The following RBFOX1 variants were observed in gnomAD, a reference collection of about 807,000 sequenced individuals.
RBFOX1 encodes RNA binding protein fox-1 homolog 1.
Under a neutral mutation model 57.7 loss-of-function variants are expected in RBFOX1, and 8 were observed. That is an observed-to-expected ratio of 0.14 (90% CI 0.08 to 0.25). RBFOX1 has a LOEUF of 0.25. Among genes scored for constraint, RBFOX1 ranks in the 10% least tolerant of loss-of-function variants. RBFOX1 has a pLI of 1.00. For missense variants in RBFOX1, 611 were observed against 548.5 expected, an observed-to-expected ratio of 1.11 and a Z score of -1.14; for synonymous variants, 326 against 222.4, an observed-to-expected ratio of 1.47 and a Z score of -4.15.
At chr16:5,592,438 A>T (rs1217833533) in intron 2 of RBFOX1, among the ~76,000 whole-genome samples, 1 of 149,038 alleles carries the variant, frequency 6.7e-6, no homozygotes, top group African/African-American at 2.5e-5. Context: ...TTTTTCTGAG[A>T]TGGAGTCTTG....
In RBFOX1 at chr16:7,021,072, G is replaced by A. The variant is rs192382493; in HGVS notation, c.-15-30985G>A. Among the ~76,000 whole-genome samples the A allele has an allele frequency of 2.1e-3, 324 of 152,244 alleles. 2 individuals are homozygous for A. Among genetic ancestry groups the A allele is most frequent in the Non-Finnish European group, 2.8e-3 (193 of 68,006 alleles). On this transcript the variant is annotated intron_variant, in intron 3 of 15. Transcript: ENST00000550418. ...GAACCTGGGAGGCAGAGGCTGCAGT[G>A]AGCCCAGGTCGTGCTACTGCACTCC...
At chr16:6,949,595 A>C (rs1424929949) in intron 3 of RBFOX1, among the ~76,000 whole-genome samples, 3 of 151,906 alleles carry the variant, frequency 2.0e-5, no homozygotes, top group East Asian at 1.9e-4. Flanking sequence ...TTTTGTGCCT[A>C]CGTGCATCTT....
intron 4 of RBFOX1, among the ~76,000 whole-genome samples, chr16:7,319,630 G>A (rs1006931119): frequency 1.3e-5 from 2 of 152,108 alleles, no homozygotes; most frequent in Non-Finnish European, 2.9e-5. Flanking sequence ...TTTCAGCATC[G>A]AGGCGAGATT....
At chr16:7,609,837 A>G (rs566878520) in intron 10 of RBFOX1, among the ~76,000 whole-genome samples, 1 of 138,674 alleles carries the variant, frequency 7.2e-6, no homozygotes, top group South Asian at 2.2e-4. Context: ...GTTTGTTTTG[A>G]GATGGAGTTT....
intron 3 of RBFOX1, among the ~76,000 whole-genome samples, chr16:6,808,554 T>C (rs988621688): frequency 1.3e-5 from 2 of 152,120 alleles, no homozygotes; most frequent in Non-Finnish European, 2.9e-5. Flanking sequence ...TCAACAAACA[T>C]TGTCTGATGG....
intron 4 of RBFOX1, among the ~76,000 whole-genome samples, chr16:5,997,327 A>G (rs2060508402): frequency 6.6e-6 from 1 of 152,218 alleles, no homozygotes; most frequent in South Asian, 2.1e-4. Context: ...GGATTATTTA[A>G]TTGTATTCTG....
intron 2 of RBFOX1, among the ~76,000 whole-genome samples, chr16:5,494,430 G>T (rs576006371): frequency 1.3e-5 from 2 of 152,298 alleles, no homozygotes; most frequent in Admixed American, 6.5e-5. Flanking sequence ...TTTTGCACAT[G>T]CCTGGAATTT....
intron 4 of RBFOX1, among the ~76,000 whole-genome samples, chr16:7,277,099 A>G (rs765943335): frequency 1.3e-5 from 2 of 152,228 alleles, no homozygotes; most frequent in Non-Finnish European, 2.9e-5. Context: ...TTAAAGAAAG[A>G]TAATTGATCC....
At chr16:6,391,783 A>G (rs1487789975) in intron 2 of RBFOX1, among the ~76,000 whole-genome samples, 1 of 152,160 alleles carries the variant, frequency 6.6e-6, no homozygotes, top group Non-Finnish European at 1.5e-5. Flanking sequence ...CAATTCTTAG[A>G]TTTTTAAATA....
At chr16:6,070,100 T>C (rs894026733) in intron 1 of RBFOX1, among the ~76,000 whole-genome samples, 11 of 152,228 alleles carry the variant, frequency 7.2e-5, no homozygotes, top group African/African-American at 2.4e-4. Flanking sequence ...TTCTATTGTT[T>C]TAGAAAACTA....
chr16:7,129,270 T>G (rs2069524733), intron 4 of RBFOX1, among the ~76,000 whole-genome samples: 1 of 152,122 alleles, frequency 6.6e-6, no homozygotes, highest in African/African-American at 2.4e-5. Flanking sequence ...ATTGAACCAA[T>G]CATTTTGGCC....
intron 3 of RBFOX1, among the ~76,000 whole-genome samples, chr16:5,845,681 A>C (rs1357002378): frequency 1.3e-5 from 2 of 152,218 alleles, no homozygotes; most frequent in African/African-American, 4.8e-5. Context: ...TAAATTAATT[A>C]AGATGAAACT....
At chr16:5,242,623 T>G (rs2062195685) in intron 1 of RBFOX1, among the ~76,000 whole-genome samples, 1 of 152,150 alleles carries the variant, frequency 6.6e-6, no homozygotes, top group Non-Finnish European at 1.5e-5. Context: ...AAGAACAGAG[T>G]GCCCTTTTAT....
At chr16:6,026,868 G>A (rs1380354555) in intron 1 of RBFOX1, among the ~76,000 whole-genome samples, 5 of 152,166 alleles carry the variant, frequency 3.3e-5, no homozygotes, top group African/African-American at 1.2e-4. Context: ...CAGTCCTTGG[G>A]CATCATGCAG....
chr16:7,504,726 TATATATATATA>T (rs2072271297), intron 4 of RBFOX1, among the ~76,000 whole-genome samples: 2 of 46,196 alleles, frequency 4.3e-5, no homozygotes. Context: ...TATATATATA[TATATATATATA>T]TATATATATA....
rs540436200 is a variant in RBFOX1 at position 6,528,324 on chromosome 16, C to G, written c.-63-126279C>G. Among the ~76,000 whole-genome samples the G allele has an allele frequency of 3.3e-5, 5 of 152,332 alleles. No individual in the cohort carries two copies. The South Asian group carries it at 1.0e-3, about 32-fold the overall frequency. On this transcript the variant is annotated intron_variant, in intron 2 of 15. Transcript: ENST00000550418. ...CTTCCCAAACTTAGGATGCCTCACT[C>G]ATTAGAGAATTGACAAGCTGCCTAA...
In RBFOX1 at chr16:7,544,089, T is replaced by G. The variant is rs1303993566; in HGVS notation, c.270+25700T>G. On this transcript the variant is annotated intron_variant, in intron 5 of 15. Coordinates refer to ENST00000550418, the MANE Select transcript of RBFOX1 (RefSeq NM_018723.4). ...GACTTTATAAAGTGAGAGAGAATCC[T>G]CATTCTATGGAGAGGGGGAATAAGA... 2.6e-5 allele frequency among the ~76,000 whole-genome samples: 4 copies of G among 152,242 alleles called. No homozygotes were observed. In the East Asian group the frequency reaches 7.7e-4, roughly 29 times the overall value.
chr16:5,900,646 C>G (rs1036974963), intron 4 of RBFOX1, among the ~76,000 whole-genome samples: 5 of 152,190 alleles, frequency 3.3e-5, no homozygotes, highest in Non-Finnish European at 7.3e-5. Flanking sequence ...CTGTTTCTGT[C>G]CTTTGCAGGA....
chr16:7,248,495 G>T (rs1243069038), intron 4 of RBFOX1, among the ~76,000 whole-genome samples: 2 of 152,154 alleles, frequency 1.3e-5, no homozygotes, highest in Non-Finnish European at 2.9e-5. Context: ...ACACTTGCTG[G>T]CTTAGCTGAA....
Sources: gnomAD v4.1 joint callset for allele counts (sites outside exome capture counted in the v4.1 genomes callset) on GRCh38, gnomAD v4.1.1 for gene constraint, MANE v1.5 for transcripts, NCBI Gene and HGNC (gene_info 2026-07-23, HGNC 2026-07-21) for gene names.